The following VAT1L variants were observed in gnomAD, a reference collection of about 807,000 sequenced individuals.
The protein encoded by VAT1L is putative NADPH-dependent quinone oxidoreductase VAT1L.
VAT1L carries 34 observed loss-of-function variants against 44.1 expected under a neutral mutation model. That is an observed-to-expected ratio of 0.77 (90% confidence interval 0.59 to 1.03). The LOEUF is 1.03. VAT1L is among the 50% of genes least tolerant of loss of function. VAT1L has a pLI of 0.00. For synonymous variants in VAT1L, 253 were observed against 202.2 expected, an observed-to-expected ratio of 1.25 and a Z score of -2.13; for missense variants, 615 against 538.8, an observed-to-expected ratio of 1.14 and a Z score of -1.40.
intron 3 of VAT1L, among the ~76,000 whole-genome samples, chr16:77,842,620 A>G (rs1256341195): frequency 1.3e-5 from 2 of 152,194 alleles, no homozygotes; most frequent in South Asian, 2.1e-4. Context: ...AGAATCGGGT[A>G]TGGCCAAAGC....
intron 1 of VAT1L, among the ~76,000 whole-genome samples, chr16:77,815,633 C>A (rs1404546867): frequency 6.6e-6 from 1 of 152,014 alleles, no homozygotes; most frequent in African/African-American, 2.4e-5. Flanking sequence ...TTCCTTGGGT[C>A]CAAAGAGACC....
chr16:77,813,237 A>G (rs1213974257), intron 1 of VAT1L, among the ~76,000 whole-genome samples: 2 of 152,114 alleles, frequency 1.3e-5, no homozygotes, highest in Non-Finnish European at 2.9e-5. Context: ...AGATTTCACT[A>G]TTTACTGTGT....
intron 7 of VAT1L, among the ~76,000 whole-genome samples, chr16:77,922,315 T>A (rs1216241085): frequency 1.3e-5 from 2 of 151,996 alleles, no homozygotes; most frequent in East Asian, 3.9e-4. Flanking sequence ...TCAAGCTGAG[T>A]TTCTCAGAGC....
chr16:77,967,245 C>T, intron 7 of VAT1L, among the ~76,000 whole-genome samples: 1 of 152,136 alleles, frequency 6.6e-6, no homozygotes, highest in East Asian at 1.9e-4. Flanking sequence ...GAGGCAAGAA[C>T]CTTGGATGTT....
chr16:77,934,931 C>CT (rs769931409), intron 7 of VAT1L, among the ~76,000 whole-genome samples: 10 of 152,070 alleles, frequency 6.6e-5, no homozygotes, highest in Non-Finnish European at 1.3e-4. Context: ...TTCACAGCAG[C>CT]TTAATGGACC....
At chr16:77,925,817 A>G (rs1040331894) in intron 7 of VAT1L, among the ~76,000 whole-genome samples, 1 of 151,268 alleles carries the variant, frequency 6.6e-6, no homozygotes. Flanking sequence ...AAAAGCCAGA[A>G]GCAGCATCTT....
At chr16:77,904,369 G>C (rs572422207) in intron 7 of VAT1L, among the ~76,000 whole-genome samples, 11 of 152,160 alleles carry the variant, frequency 7.2e-5, no homozygotes, top group Admixed American at 6.5e-4. Context: ...ATCAAAGACT[G>C]AGTGGCTTAA....
chr16:77,879,020 C>G lies in VAT1L; in HGVS notation c.827-149C>G. On this transcript the variant is annotated intron_variant, in intron 5 of 8. Transcript: ENST00000302536. The surrounding 1 kb of genome is among the most constrained non-coding windows in gnomAD (Gnocchi z 4.1). ...AACATAGTCAACTTTATGCCTCATT[C>G]TCATTCCCCTCACTTTGCCAAGGCT... The G allele has an allele frequency of 1.4e-6, 1 of 698,606 alleles. No individual in the cohort carries two copies. The highest frequency in any genetic ancestry group is 2.5e-6 in the Non-Finnish European group (1 of 407,432). 43.3% of individuals were successfully genotyped at this position (698,606 alleles called of 1,614,324 possible).
intron 7 of VAT1L, among the ~76,000 whole-genome samples, chr16:77,944,131 G>T (rs1029437163): frequency 1.2e-4 from 19 of 152,116 alleles, no homozygotes; most frequent in African/African-American, 4.3e-4. Context: ...GGGATCTAGT[G>T]AATGGAGGCC....
At chr16:77,919,455 G>A (rs776938373) in intron 7 of VAT1L, among the ~76,000 whole-genome samples, 1 of 152,214 alleles carries the variant, frequency 6.6e-6, no homozygotes, top group Non-Finnish European at 1.5e-5. Context: ...TAGAGGTAGA[G>A]ATACATGGAA....
chr16:77,831,919 G>A (rs2016583180), intron 3 of VAT1L, among the ~76,000 whole-genome samples: 1 of 150,982 alleles, frequency 6.6e-6, no homozygotes, highest in South Asian at 2.1e-4. Context: ...GGCTTCAATC[G>A]ATTCTCCTGC....
At chr16:77,827,244 T>C (rs2016532820) in intron 3 of VAT1L, among the ~76,000 whole-genome samples, 1 of 152,260 alleles carries the variant, frequency 6.6e-6, no homozygotes, top group Non-Finnish European at 1.5e-5. Flanking sequence ...ATGATCTTAG[T>C]GTGCTCAGCA....
At chr16:77,826,608 C>G (rs76216000) in intron 3 of VAT1L, among the ~76,000 whole-genome samples, 4,400 of 152,236 alleles carry the variant, frequency 0.029, 100 homozygotes, top group Non-Finnish European at 0.042. Context: ...AAACTTCTCT[C>G]ATGGTTTGTC....
intron 7 of VAT1L, among the ~76,000 whole-genome samples, chr16:77,937,771 A>C (rs1173844564): frequency 6.6e-6 from 1 of 152,226 alleles, no homozygotes; most frequent in Non-Finnish European, 1.5e-5. Context: ...CCTCCTTGAA[A>C]AGGCGAGTTG....
chr16:77,838,722 T>TC (rs1435348256), intron 3 of VAT1L, among the ~76,000 whole-genome samples: 1 of 152,062 alleles, frequency 6.6e-6, no homozygotes, highest in Admixed American at 6.6e-5. Context: ...TCCTTTTTTT[T>TC]CACTCTTTTT....
chr16:77,971,821 G>A, intron 7 of VAT1L, 29 bp from the exon 8 acceptor site: 1 of 1,605,670 alleles, frequency 6.2e-7, no homozygotes, highest in African/African-American at 1.3e-5. Flanking sequence ...CGCCTAACCA[G>A]CACCTCTGTT....
chr16:77,815,546 C>T (rs2016335271), intron 1 of VAT1L, among the ~76,000 whole-genome samples: 2 of 152,148 alleles, frequency 1.3e-5, no homozygotes, highest in Non-Finnish European at 2.9e-5. Flanking sequence ...TCAAGGAAGT[C>T]GTCTTACTCA....
intron 7 of VAT1L, among the ~76,000 whole-genome samples, chr16:77,933,496 G>C (rs967058685): frequency 6.6e-6 from 1 of 151,922 alleles, no homozygotes; most frequent in Non-Finnish European, 1.5e-5. Flanking sequence ...AACTGTATGA[G>C]GATAAAATAA....
chr16:77,920,658 C>A (rs1325834876), intron 7 of VAT1L, among the ~76,000 whole-genome samples: 1 of 152,130 alleles, frequency 6.6e-6, no homozygotes, highest in African/African-American at 2.4e-5. Context: ...CCATAAAATT[C>A]TAATACCATA....
Sources: gnomAD v4.1 joint callset for allele counts (sites outside exome capture counted in the v4.1 genomes callset) on GRCh38, gnomAD v4.1.1 for gene constraint, Gnocchi (gnomAD v3.1) non-coding constraint, MANE v1.5 for transcripts, NCBI Gene and HGNC (gene_info 2026-07-23, HGNC 2026-07-21) for gene names.